Variants in CAMK1D observed in about 807,000 individuals in gnomAD.
The protein encoded by CAMK1D is calcium/calmodulin dependent protein kinase ID, also known as calcium/calmodulin-dependent protein kinase type 1D.
In CAMK1D, 9 loss-of-function variants were observed where a neutral mutation model predicts 47.7. That is an observed-to-expected ratio of 0.19 (90% confidence interval 0.11 to 0.33). The LOEUF is 0.33. Ranked by LOEUF, CAMK1D falls within the 10% of genes least tolerant of loss-of-function variation. CAMK1D has a pLI of 1.00. For synonymous variants in CAMK1D, 184 were observed against 184.9 expected (o/e 0.99, Z 0.04); for missense variants, 291 against 488.7 (o/e 0.60, Z 3.81).
At chr10:12,820,753 T>C (rs897942627) in intron 8 of CAMK1D, among the ~76,000 whole-genome samples, 2 of 152,180 alleles carry the variant, frequency 1.3e-5, no homozygotes, top group Non-Finnish European at 2.9e-5. Context: ...TCTTAGCAGA[T>C]GGAGGCAGCC....
At chr10:12,827,480 T>TC (rs1242541725) in intron 10 of CAMK1D, among the ~76,000 whole-genome samples, 316 of 7,132 alleles carry the variant, frequency 0.044, 91 homozygotes, top group Middle Eastern at 0.29. Context: ...CTGTCTTTCT[T>TC]TCTTTCTTTC....
rs540409956 is a variant in CAMK1D, at chr10:12,721,758, G to A, written c.300-39190G>A. The stretch of plus-strand genomic sequence containing the variant: ...TAGGCCACATGGCTCGATGGGAAAT[G>A]ACTAGGGGGAGATTAGGGTTGTGTG... On this transcript the variant is annotated intron_variant, in intron 3 of 10. Transcript: ENST00000619168. Among the ~76,000 whole-genome samples, 174 of 152,304 alleles carry A rather than the reference G, an allele frequency of 1.1e-3. 1 individual carries two copies. The highest frequency in any genetic ancestry group is 4.1e-3 in the African/African-American group (169 of 41,556).
intron 1 of CAMK1D, among the ~76,000 whole-genome samples, chr10:12,398,392 A>T (rs910018372): frequency 1.3e-5 from 2 of 152,204 alleles, no homozygotes; most frequent in African/African-American, 4.8e-5. Context: ...CTTGTTGCCC[A>T]GGCTGGAGTG....
chr10:12,563,836 GT>G lies in CAMK1D; in HGVS notation c.224+10484del, dbSNP rs1837033141. On this transcript the variant is annotated intron_variant, in intron 2 of 10. Coordinates refer to ENST00000619168, the MANE Select transcript of CAMK1D (RefSeq NM_153498.4). Reference sequence around the variant, plus strand: ...TTTAGAGTAGTTGAAGAAACAATGTGTTTTATCACACTTTTAAAACCAGTGT... The same window carrying G: ...TTTAGAGTAGTTGAAGAAACAATGTGTTTATCACACTTTTAAAACCAGTGT... Among the ~76,000 whole-genome samples the G allele has an allele frequency of 2.0e-5, 3 of 152,252 alleles. No homozygotes were observed. The South Asian group carries it at 6.2e-4, about 32-fold the overall frequency.
intron 4 of CAMK1D, among the ~76,000 whole-genome samples, chr10:12,761,552 A>G (rs1246251989): frequency 1.3e-5 from 2 of 152,178 alleles, no homozygotes; most frequent in African/African-American, 2.4e-5. Context: ...AAGCAGATAT[A>G]GAAGAGGGAG....
intron 8 of CAMK1D, among the ~76,000 whole-genome samples, chr10:12,820,780 G>A (rs1832987118): frequency 6.6e-6 from 1 of 152,192 alleles, no homozygotes; most frequent in Non-Finnish European, 1.5e-5. Flanking sequence ...TTAGCAGATG[G>A]CTCCCGCCCC....
At chr10:12,536,927 G>T (rs1445347453) in intron 1 of CAMK1D, among the ~76,000 whole-genome samples, 4 of 152,028 alleles carry the variant, frequency 2.6e-5, no homozygotes, top group African/African-American at 9.7e-5. Flanking sequence ...ATTTACATAT[G>T]GGATATTTAC....
chr10:12,739,202 A>ACT (rs1427854688), intron 3 of CAMK1D, among the ~76,000 whole-genome samples: 1 of 152,080 alleles, frequency 6.6e-6, no homozygotes, highest in Non-Finnish European at 1.5e-5. Context: ...GCGCCCCTGC[A>ACT]CTCCATCCTG....
chr10:12,569,073 G>T (rs939523524), intron 2 of CAMK1D, among the ~76,000 whole-genome samples: 1 of 152,090 alleles, frequency 6.6e-6, no homozygotes, highest in Non-Finnish European at 1.5e-5. Flanking sequence ...TCTACCTGAA[G>T]ATTTCCATGG....
intron 3 of CAMK1D, among the ~76,000 whole-genome samples, chr10:12,729,734 C>T (rs1834808139): frequency 6.6e-6 from 1 of 152,100 alleles, no homozygotes; most frequent in Non-Finnish European, 1.5e-5. Flanking sequence ...AGCTAAGCAG[C>T]CTAAAGGAGC....
At chr10:12,576,393 G>T (rs899055032) in intron 2 of CAMK1D, among the ~76,000 whole-genome samples, 2 of 152,130 alleles carry the variant, frequency 1.3e-5, no homozygotes, top group African/African-American at 4.8e-5. Flanking sequence ...TTTTTCCACT[G>T]ACCGGAGGAG....
At chr10:12,733,585 C>T (rs942284281) in intron 3 of CAMK1D, among the ~76,000 whole-genome samples, 27 of 152,252 alleles carry the variant, frequency 1.8e-4, no homozygotes, top group African/African-American at 5.3e-4. Context: ...CATTCCACAG[C>T]GTGTATAGCC....
chr10:12,770,828 G>A (rs1837003370), intron 5 of CAMK1D, among the ~76,000 whole-genome samples: 1 of 152,084 alleles, frequency 6.6e-6, no homozygotes, highest in African/African-American at 2.4e-5. Flanking sequence ...TGAAGGCTGG[G>A]AGAGGGTACG....
chr10:12,359,703 T>TTTG lies in CAMK1D; in HGVS notation c.92+9796_92+9798dup, dbSNP rs370679944. Among the ~76,000 whole-genome samples the TTTG allele has an allele frequency of 4.1e-4, 62 of 152,310 alleles. No individual in the cohort carries two copies. In the East Asian group the frequency reaches 9.1e-3, roughly 22 times the overall value. ...TTTGGAAAATTCCTTGTCTTTCTGCTTTGTTTCTTATTGAAACTCATGTTT... is the reference window on the plus strand; with the variant it reads ...TTTGGAAAATTCCTTGTCTTTCTGCTTTGTTGTTTCTTATTGAAACTCATGTTT... On this transcript the variant is annotated intron_variant, in intron 1 of 10. Coordinates refer to ENST00000619168, the MANE Select transcript of CAMK1D (RefSeq NM_153498.4).
chr10:12,694,063 TAA>T (rs1833069387), intron 3 of CAMK1D, among the ~76,000 whole-genome samples: 1 of 62,082 alleles, frequency 1.6e-5, no homozygotes, highest in African/African-American at 6.9e-5. Context: ...ATTATATATA[TAA>T]TATATAAAAA....
At position 12,497,204 on chromosome 10, in the gene CAMK1D, C is replaced by T. The variant is rs150977943; in HGVS notation, c.93-56021C>T. Among the ~76,000 whole-genome samples, 86 of 152,202 alleles carry T rather than the reference C, an allele frequency of 5.7e-4. No homozygotes were observed. The East Asian group carries it at 0.014, about 25-fold the overall frequency. ...GCATTTAAAAGCAAGTTGAGCCAGG[C>T]GTGGTGGCTCATGCCTGTAATCTCA... On this transcript the variant is annotated intron_variant, in intron 1 of 10. Coordinates refer to ENST00000619168, the MANE Select transcript of CAMK1D (RefSeq NM_153498.4).
In CAMK1D at chr10:12,797,078, C is replaced by CG. The variant is rs1838226189; in HGVS notation, c.641+5848dup. On this transcript the variant is annotated intron_variant, in intron 6 of 10. Coordinates refer to ENST00000619168, the MANE Select transcript of CAMK1D (RefSeq NM_153498.4). Reference sequence around the variant, plus strand: ...GAACAGGGTATCAGAGCAGTGGAGGCGGGTGGCCTTAGATATATTCACGAA... The same window carrying CG: ...GAACAGGGTATCAGAGCAGTGGAGGCGGGGTGGCCTTAGATATATTCACGAA... 5.3e-5 allele frequency among the ~76,000 whole-genome samples: 8 copies of CG among 152,256 alleles called. No individual in the cohort carries two copies. The South Asian group carries it at 1.7e-3, about 32-fold the overall frequency.
intron 2 of CAMK1D, among the ~76,000 whole-genome samples, chr10:12,646,317 TACAA>T (rs1306292886): frequency 6.6e-6 from 1 of 152,252 alleles, no homozygotes; most frequent in African/African-American, 2.4e-5. Context: ...TGAGCACAAT[TACAA>T]ACAAATTTTT....
chr10:12,779,971 T>G (rs902005261), intron 5 of CAMK1D, among the ~76,000 whole-genome samples: 1 of 152,258 alleles, frequency 6.6e-6, no homozygotes, highest in African/African-American at 2.4e-5. Context: ...CTTCTGGAAC[T>G]TAGTTGCCAT....
Sources: allele counts gnomAD v4.1 joint callset (sites outside exome capture counted in the v4.1 genomes callset), GRCh38; gene constraint gnomAD v4.1.1; transcripts MANE v1.5; gene names NCBI Gene and HGNC (gene_info 2026-07-23, HGNC 2026-07-21).